The following ENKUR variants were observed in gnomAD, a reference collection of about 807,000 sequenced individuals.
ENKUR encodes enkurin.
Under a neutral mutation model 27.6 loss-of-function variants are expected in ENKUR, and 19 were observed. The observed-to-expected ratio is 0.69, with a 90% CI of 0.48 to 1.01. ENKUR has a LOEUF of 1.01. Ranked by LOEUF, ENKUR falls within the 50% of genes least tolerant of loss-of-function variation. The pLI is 0.00. For missense variants in ENKUR, 312 were observed against 310.5 expected, an observed-to-expected ratio of 1.00 and a Z score of -0.04; for synonymous variants, 117 against 96.9, an observed-to-expected ratio of 1.21 and a Z score of -1.22.
At chr10:25,001,039 T>G (rs1244765433) in intron 1 of ENKUR, among the ~76,000 whole-genome samples, 4 of 152,090 alleles carry the variant, frequency 2.6e-5, no homozygotes, top group Non-Finnish European at 4.4e-5. Context: ...TACTTTTCTG[T>G]GTGGTATAAA....
intron 4 of ENKUR, among the ~76,000 whole-genome samples, chr10:24,988,294 ATGTATATATATTTATATG>A (rs1564334456): frequency 6.3e-5 from 9 of 142,638 alleles, no homozygotes; most frequent in African/African-American, 1.8e-4. Context: ...ATATTTATAT[ATGTATATATATTTATATG>A]TGTGTATATA....
At chr10:25,003,489 G>C (rs1850241726) in intron 1 of ENKUR, among the ~76,000 whole-genome samples, 1 of 152,160 alleles carries the variant, frequency 6.6e-6, no homozygotes, top group South Asian at 2.1e-4. Flanking sequence ...TAACAGATGT[G>C]AGCCACTGCG....
intron 2 of ENKUR, chr10:25,023,205 G>A (rs1420868434): frequency 1.3e-6 from 2 of 1,591,246 alleles, no homozygotes; most frequent in African/African-American, 1.4e-5. Context: ...GTTGGCTTGG[G>A]CAGAAAAGTG....
chr10:25,000,685 T>G (rs1469821832), intron 1 of ENKUR, among the ~76,000 whole-genome samples: 1 of 152,092 alleles, frequency 6.6e-6, no homozygotes, highest in Non-Finnish European at 1.5e-5. Context: ...GACTTTCTAC[T>G]TGTTGGAGTT....
intron 1 of ENKUR, among the ~76,000 whole-genome samples, 158 bp from the exon 2 acceptor site, chr10:24,999,704 G>C (rs1417920150): frequency 6.6e-6 from 1 of 152,250 alleles, no homozygotes; most frequent in East Asian, 1.9e-4. Flanking sequence ...CTGTCCATCA[G>C]ACTTAGATAA....
intron 2 of ENKUR, chr10:25,025,927 T>C (rs957765439): frequency 3.1e-5 from 5 of 163,908 alleles, no homozygotes; most frequent in African/African-American, 1.2e-4. Flanking sequence ...GTGTTTTTTG[T>C]TTGTTTTTTG....
intron 2 of ENKUR, chr10:25,026,393 A>G (rs1274238555): frequency 6.0e-6 from 1 of 167,054 alleles, no homozygotes; most frequent in African/African-American, 2.4e-5. Context: ...ATCTATTTCA[A>G]GAGGAAGGTT....
chr10:25,058,776 C>T (rs781383660), intron 2 of ENKUR, among the ~76,000 whole-genome samples: 5 of 151,856 alleles, frequency 3.3e-5, no homozygotes, highest in African/African-American at 4.8e-5. Context: ...ACTAACAATA[C>T]AAAAATTAGC....
intron 1 of ENKUR, among the ~76,000 whole-genome samples, chr10:25,004,009 T>C (rs1258676246): frequency 1.3e-5 from 2 of 152,262 alleles, no homozygotes; most frequent in African/African-American, 4.8e-5. Flanking sequence ...TGTGGGACTC[T>C]GAACTCTGGA....
intron 2 of ENKUR, chr10:25,024,747 A>T (rs1272959078): frequency 6.2e-7 from 1 of 1,614,030 alleles, no homozygotes; most frequent in African/African-American, 1.3e-5. Flanking sequence ...GTATTCCCAC[A>T]GGAAACTTTG....
chr10:25,002,681 G>C (rs576062740), intron 1 of ENKUR, among the ~76,000 whole-genome samples: 3 of 152,072 alleles, frequency 2.0e-5, no homozygotes, highest in Non-Finnish European at 2.9e-5. Flanking sequence ...GTAACAACTT[G>C]TATTATCTTC....
At chr10:25,047,024 T>A (rs1038327992) in intron 2 of ENKUR, among the ~76,000 whole-genome samples, 1 of 152,210 alleles carries the variant, frequency 6.6e-6, no homozygotes, top group Non-Finnish European at 1.5e-5. Flanking sequence ...ACTTTGCTTT[T>A]CACCGAATAA....
chr10:25,007,285 T>C (rs1363520664), intron 1 of ENKUR, among the ~76,000 whole-genome samples: 2 of 152,242 alleles, frequency 1.3e-5, no homozygotes, highest in African/African-American at 4.8e-5. Context: ...AGCTCACTTA[T>C]ACATTTCCCT....
intron 2 of ENKUR, chr10:25,026,729 T>C (rs1850862468): frequency 6.5e-6 from 1 of 153,776 alleles, no homozygotes; most frequent in Non-Finnish European, 1.5e-5. Context: ...TTTGATAACA[T>C]TCAGTTTCAT....
chr10:25,062,052 TAC>T (rs1851335013), intron 1 of ENKUR: 1 of 152,210 alleles, frequency 6.6e-6, no homozygotes. Context: ...CTAGTCACTT[TAC>T]ACAGTCTAAA....
intron 2 of ENKUR, among the ~76,000 whole-genome samples, chr10:25,039,715 CA>C (rs1003288115): frequency 6.6e-6 from 1 of 152,106 alleles, no homozygotes; most frequent in Admixed American, 6.6e-5. Flanking sequence ...ATGACTATCA[CA>C]AAACAGTGGC....
Position 24,984,251 on chromosome 10 carries a change from C to T in ENKUR, c.*119G>A. 3 of 1,149,350 alleles carry T rather than the reference C, an allele frequency of 2.6e-6. No homozygotes were observed. The highest frequency in any genetic ancestry group is 3.6e-5 in the South Asian group (2 of 56,100). 71.2% of individuals were successfully genotyped at this position (1,149,350 alleles called of 1,614,324 possible). ...TGTCATGGGCCACAGGAAAATACAT[C>T]TTTTGCATTTGTGGAGCTCAGAAAC... On this transcript the variant is annotated 3_prime_UTR_variant, in exon 6 of 6. Coordinates refer to ENST00000331161, the MANE Select transcript of ENKUR (RefSeq NM_145010.4).
At chr10:25,021,070 T>G (rs1200488984), upstream of ENKUR, among the ~76,000 whole-genome samples, 1 of 152,202 alleles carries the variant, frequency 6.6e-6, no homozygotes, top group Non-Finnish European at 1.5e-5. Flanking sequence ...GATTCGTGGG[T>G]GAACACCACG....
In ENKUR at chr10:24,984,382, G is replaced by GAAA. The variant is rs5783912; in HGVS notation, c.765-9_765-7dup. The GAAA allele has an allele frequency of 0.015, 20,396 of 1,383,194 alleles. 72 individuals are homozygous for GAAA. The highest frequency in any genetic ancestry group is 0.037 in the South Asian group (2,305 of 62,512). 85.7% of individuals were successfully genotyped at this position (1,383,194 alleles called of 1,614,324 possible). A position where few individuals can be genotyped will look rare whatever the true frequency, so the allele number is the denominator to read the frequency against. Reference sequence around the variant, plus strand: ...TGTGCTGTTGGTATCATGCGCTGCAGAAAAAAAAAAAAAAAAGTGAAGTTC... The same window carrying GAAA: ...TGTGCTGTTGGTATCATGCGCTGCAGAAAAAAAAAAAAAAAAAAAGTGAAGTTC... On this transcript the variant is annotated splice_polypyrimidine_tract_variant and splice_region_variant and intron_variant, in intron 5 of 5. Coordinates refer to ENST00000331161, the MANE Select transcript of ENKUR (RefSeq NM_145010.4).
Sources: gnomAD v4.1 joint callset for allele counts (sites outside exome capture counted in the v4.1 genomes callset) on GRCh38, gnomAD v4.1.1 for gene constraint, MANE v1.5 for transcripts, NCBI Gene and HGNC (gene_info 2026-07-23, HGNC 2026-07-21) for gene names.